CASZ1: variants seen among roughly 807,000 people sequenced by gnomAD.
CASZ1 encodes the protein castor zinc finger 1, also known as zinc finger protein castor homolog 1.
A neutral mutation model predicts 135.2 loss-of-function variants in CASZ1; 28 were observed. The observed-to-expected ratio is 0.21, with a 90% CI of 0.15 to 0.28. The LOEUF is 0.28. Ranked by LOEUF, CASZ1 falls within the 10% of genes least tolerant of loss-of-function variation. The probability of loss-of-function intolerance (pLI) is 1.00; values close to 1 mark genes in which losing one functional copy is unlikely to be tolerated. For synonymous variants in CASZ1, 1,068 were observed against 1,073.4 expected (o/e 0.99, Z 0.10); for missense variants, 2,161 against 2,453.3 (o/e 0.88, Z 2.52).
intron 3 of CASZ1, among the ~76,000 whole-genome samples, chr1:10,695,572 T>TCCCCCC (rs1638912759): frequency 2.8e-4 from 5 of 17,888 alleles, no homozygotes; most frequent in African/African-American, 6.1e-4. Flanking sequence ...CCTCCTCCCC[T>TCCCCCC]CCCCGCCACC....
chr1:10,651,698 T>G (rs1475978422), intron 11 of CASZ1: 2 of 152,234 alleles, frequency 1.3e-5, no homozygotes, highest in East Asian at 1.9e-4. Flanking sequence ...AGAGCAGGGG[T>G]AAAAGAAGTT....
In CASZ1 at chr1:10,709,376, G is replaced by A. The variant is rs543678523; in HGVS notation, c.-76-3832C>T. Reference sequence around the variant, plus strand: ...ACAGGGGCTGGGGCCATGTCAGCCCGGCAGTGTGAGGAGGGGGGCGGCATA... The same window carrying A: ...ACAGGGGCTGGGGCCATGTCAGCCCAGCAGTGTGAGGAGGGGGGCGGCATA... On this transcript the variant is annotated intron_variant, in intron 2 of 20. Transcript: ENST00000377022. This position sits in a 1 kb window ranked among gnomAD's most constrained non-coding sequence, Gnocchi z 5.1. 2.0e-5 allele frequency among the ~76,000 whole-genome samples: 3 copies of A among 152,202 alleles called. No individual in the cohort carries two copies. Among genetic ancestry groups the A allele is most frequent in the Non-Finnish European group, 2.9e-5 (2 of 67,986 alleles).
chr1:10,709,919 C>T lies in CASZ1; in HGVS notation c.-76-4375G>A, dbSNP rs563310434. 3.3e-5 allele frequency among the ~76,000 whole-genome samples: 5 copies of T among 152,242 alleles called. No individual in the cohort carries two copies. In the East Asian group the frequency reaches 5.8e-4, roughly 18 times the overall value. ...GGCCTCGGGAAAGGAGCCTGGGCCC[C>T]GGACCAGGGAGGGGCGGTGGGGGTG... On this transcript the variant is annotated intron_variant, in intron 2 of 20. Transcript: ENST00000377022. This position sits in a 1 kb window ranked among gnomAD's most constrained non-coding sequence, Gnocchi z 5.1.
chr1:10,715,524 C>A (rs1185894619), intron 2 of CASZ1, among the ~76,000 whole-genome samples: 1 of 149,746 alleles, frequency 6.7e-6, no homozygotes, highest in Non-Finnish European at 1.5e-5. Context: ...CCCCACAGCA[C>A]CCAATCCGCC....
At chr1:10,765,508 G>A (rs189691035) in intron 1 of CASZ1, among the ~76,000 whole-genome samples, 214 of 152,264 alleles carry the variant, frequency 1.4e-3, no homozygotes, top group African/African-American at 5.0e-3. Flanking sequence ...GGCCCACGAC[G>A]GGTACGCCCA....
chr1:10,762,175 C>T lies in CASZ1; in HGVS notation c.-233-1318G>A, dbSNP rs532153806. Among the ~76,000 whole-genome samples, 2 of 152,222 alleles carry T rather than the reference C, an allele frequency of 1.3e-5. No individual in the cohort carries two copies. Among genetic ancestry groups the T allele is most frequent in the East Asian group, 3.9e-4 (2 of 5,174 alleles). ...TCTTTGAAGGTGAGAGCTTCAGCAT[C>T]AGCTCTGCCCTACCTCGGCTGGGGC... On this transcript the variant is annotated intron_variant, in intron 1 of 20. Transcript: ENST00000377022. This position sits in a 1 kb window ranked among gnomAD's most constrained non-coding sequence, Gnocchi z 4.1.
chr1:10,710,136 T>G (rs1639258787), intron 2 of CASZ1, among the ~76,000 whole-genome samples: 2 of 152,174 alleles, frequency 1.3e-5, no homozygotes, highest in Non-Finnish European at 2.9e-5. Flanking sequence ...AGAAGTGTTT[T>G]TAATCATAGT....
At chr1:10,750,493 C>G (rs1570557830) in intron 2 of CASZ1, among the ~76,000 whole-genome samples, 1 of 152,070 alleles carries the variant, frequency 6.6e-6, no homozygotes, top group East Asian at 1.9e-4. Flanking sequence ...GAGTCTTGAA[C>G]CCCTGGCGTC....
chr1:10,708,757 T>C (rs1330782794), intron 2 of CASZ1, among the ~76,000 whole-genome samples: 1 of 151,684 alleles, frequency 6.6e-6, no homozygotes, highest in Non-Finnish European at 1.5e-5. Context: ...TCATTAATTA[T>C]AAAAGAGAGT....
In CASZ1 at chr1:10,694,991, G is replaced by A. The variant is rs1319629169; in HGVS notation, c.-23-1079C>T. Among the ~76,000 whole-genome samples the A allele has an allele frequency of 6.1e-5, 9 of 146,926 alleles. No individual in the cohort carries two copies. Among genetic ancestry groups the A allele is most frequent in the Non-Finnish European group, 1.2e-4 (8 of 66,400 alleles). On this transcript the variant is annotated intron_variant, in intron 3 of 20. Transcript: ENST00000377022. This position sits in a 1 kb window ranked among gnomAD's most constrained non-coding sequence, Gnocchi z 6.6. ...CGCCTGCCCCACGACCCGCGCGGCC[G>A]CGCTAACTTTTCCGCGAGGGCGGGC...
At chr1:10,661,216 G>C (rs151276799) in intron 5 of CASZ1, 1 of 152,394 alleles carries the variant, frequency 6.6e-6, no homozygotes, top group Non-Finnish European at 1.5e-5. Flanking sequence ...ACCTGGACAC[G>C]TCCTCCAACC....
Position 10,654,217 on chromosome 1 carries a change from G to A in CASZ1, c.1840C>T (p.Arg614Cys), listed in dbSNP as rs1175922386. ...TTGAAAGTGAATGTGCAGCCGGGGC[G>A]CCTGGATGGGACATTGGGAGCCTGT... ...GQKTTHFHCR[R>C]PGCTFTFKNK... Residue 614 changes from arginine to cysteine, a missense_variant and splice_region_variant, in exon 11 of 21, where the codon CGC (arginine) becomes TGC (cysteine). Physicochemically the swap from Arg to Cys is radical, Grantham distance 180 (BLOSUM62 -3). This residue lies in a region of CASZ1 where 248 missense variants were observed against 410.8 expected (regional missense o/e 0.60). Transcript: ENST00000377022. 3 of 1,613,762 alleles carry A rather than the reference G, an allele frequency of 1.9e-6. No individual in the cohort carries two copies. Among genetic ancestry groups the A allele is most frequent in the East Asian group, 2.2e-5 (1 of 44,886 alleles).
chr1:10,723,722 C>T (rs1013015040), intron 2 of CASZ1, among the ~76,000 whole-genome samples: 23 of 152,190 alleles, frequency 1.5e-4, no homozygotes, highest in African/African-American at 4.8e-4. Flanking sequence ...CTTCCTTGGC[C>T]CTGTCTCCCA....
chr1:10,737,509 GT>G (rs1321672050), intron 2 of CASZ1, among the ~76,000 whole-genome samples: 1 of 152,254 alleles, frequency 6.6e-6, no homozygotes, highest in African/African-American at 2.4e-5. Context: ...CCACCCACAC[GT>G]GACCCACCAG....
At chr1:10,763,418 G>A (rs919456602) in intron 1 of CASZ1, among the ~76,000 whole-genome samples, 2 of 152,198 alleles carry the variant, frequency 1.3e-5, no homozygotes, top group Non-Finnish European at 2.9e-5. Context: ...CGGAGACGAT[G>A]CCTAAGACTT....
rs993645455 is a variant in CASZ1 at position 10,762,544 on chromosome 1, G to A, written c.-233-1687C>T. Among the ~76,000 whole-genome samples, 18 of 152,030 alleles carry A rather than the reference G, an allele frequency of 1.2e-4. No homozygotes were observed. Among genetic ancestry groups the A allele is most frequent in the Non-Finnish European group, 7.4e-5 (5 of 68,008 alleles). On this transcript the variant is annotated intron_variant, in intron 1 of 20. Transcript: ENST00000377022. The surrounding 1 kb of genome is among the most constrained non-coding windows in gnomAD (Gnocchi z 4.1). Reference sequence around the variant, plus strand: ...AATCCCCCAAAGCCCTGGGCAGCCCGTCCACCCACAAAACTCCCCTGGGCT... The same window carrying A: ...AATCCCCCAAAGCCCTGGGCAGCCCATCCACCCACAAAACTCCCCTGGGCT...
chr1:10,692,693 C>T (rs1011614434), intron 4 of CASZ1, among the ~76,000 whole-genome samples: 5 of 152,200 alleles, frequency 3.3e-5, no homozygotes, highest in Admixed American at 6.5e-5. Context: ...CCTTCTTCAC[C>T]GGCCACCGTG....
intron 2 of CASZ1, among the ~76,000 whole-genome samples, chr1:10,760,470 C>T (rs1391406746): frequency 2.0e-5 from 3 of 152,232 alleles, no homozygotes; most frequent in Non-Finnish European, 2.9e-5. Flanking sequence ...AGTAGTGAGT[C>T]GGTGACAAGG....
At position 10,658,433 on chromosome 1, in the gene CASZ1, G is replaced by T. The variant is rs1051176471; in HGVS notation, c.1409+75C>A. 5 of 1,263,720 alleles carry T rather than the reference G, an allele frequency of 4.0e-6. No homozygotes were observed. In the East Asian group the frequency reaches 7.1e-5, roughly 18 times the overall value. The allele number at this position is 1,263,720 out of a possible 1,614,324, so 78.3% of individuals were successfully genotyped here. A position where few individuals can be genotyped will look rare whatever the true frequency, so the allele number is the denominator to read the frequency against. ...TGGCCCTAGAGGTCAGATATCAAAC[G>T]AATGGCCTCAGAGTGCCCGGTCAGT... On this transcript the variant is annotated intron_variant, in intron 7 of 20. Coordinates refer to ENST00000377022, the MANE Select transcript of CASZ1 (RefSeq NM_001079843.3).
Sources: allele counts gnomAD v4.1 joint callset (sites outside exome capture counted in the v4.1 genomes callset), GRCh38; gene constraint gnomAD v4.1.1; regional missense constraint gnomAD v4.1.1; non-coding constraint Gnocchi (gnomAD v3.1); transcripts MANE v1.5; gene names NCBI Gene and HGNC (gene_info 2026-07-23, HGNC 2026-07-21).